The following CDC42EP1 variants were observed in gnomAD, a reference collection of about 807,000 sequenced individuals.
The protein encoded by CDC42EP1 is CDC42 effector protein 1, also known as 55 kDa bone marrow stromal/endothelial cell protein.
In CDC42EP1, 6 loss-of-function variants were observed where a neutral mutation model predicts 7.4. The observed-to-expected ratio is 0.81, with a 90% CI of 0.44 to 1.60. The LOEUF (loss-of-function observed/expected upper bound fraction) is 1.60, where lower values mean the gene tolerates loss of function less well. CDC42EP1 is among the 40% of genes most tolerant of loss of function. The pLI is 0.01. For synonymous variants in CDC42EP1, 238 were observed against 227.1 expected, an observed-to-expected ratio of 1.05 and a Z score of -0.43; for missense variants, 567 against 539.0, an observed-to-expected ratio of 1.05 and a Z score of -0.51.
At chr22:37,564,227 A>G (rs1325225755) in intron 1 of CDC42EP1, among the ~76,000 whole-genome samples, 1 of 151,172 alleles carries the variant, frequency 6.6e-6, no homozygotes, top group Non-Finnish European at 1.5e-5. Context: ...GAGAAGCTGG[A>G]GCAGGGGAGG....
At chr22:37,567,639 A>G (rs1242811939) in intron 2 of CDC42EP1, among the ~76,000 whole-genome samples, 1 of 152,144 alleles carries the variant, frequency 6.6e-6, no homozygotes, top group Non-Finnish European at 1.5e-5. Flanking sequence ...TCTGTCCTTC[A>G]TTTCTATACA....
chr22:37,568,533 G>A lies in CDC42EP1; in HGVS notation c.889G>A (p.Val297Met). The A allele has an allele frequency of 6.2e-7, 1 of 1,609,794 alleles. No homozygotes were observed. The highest frequency in any genetic ancestry group is 8.5e-7 in the Non-Finnish European group (1 of 1,178,254). ...TGGGGTAACAGCTGGGTTGGGCCCAGTGGCTGAGGTGAAGTCCAGCCCAGT... is the reference window on the plus strand; with the variant it reads ...TGGGGTAACAGCTGGGTTGGGCCCAATGGCTGAGGTGAAGTCCAGCCCAGT... ...PNGVTAGLGP[V>M]AEVKSSPVGG... The change falls in exon 3 of 3, where the codon GTG becomes ATG. Residue 297 changes from valine (V) to methionine (M), a missense_variant. Physicochemically the swap from Val to Met is conservative, Grantham distance 21 (BLOSUM62 1). Transcript: ENST00000249014.
At position 37,568,742 on chromosome 22, in the gene CDC42EP1, G is replaced by A. The variant is rs771824268; in HGVS notation, c.1098G>A (p.Arg366=). ...EEWRAPQAGS[R]TPVPSTVQAN... is the part of the protein sequence containing the mutation. Reference sequence around the variant, plus strand: ...GGAGGGCGCCCCAGGCAGGCAGCAGGACCCCAGTGCCCAGCACAGTGCAAG... The same window carrying A: ...GGAGGGCGCCCCAGGCAGGCAGCAGAACCCCAGTGCCCAGCACAGTGCAAG... The change falls in exon 3 of 3, where the codon AGG becomes AGA. Residue 366 remains arginine, a synonymous_variant. Transcript: ENST00000249014. 2.0e-6 allele frequency: 3 copies of A among 1,524,200 alleles called. No homozygotes were observed. The highest frequency in any genetic ancestry group is 2.3e-5 in the East Asian group (1 of 44,102). The allele number at this position is 1,524,200 out of a possible 1,614,324, so 94.4% of individuals were successfully genotyped here. A position where few individuals can be genotyped will look rare whatever the true frequency, so the allele number is the denominator to read the frequency against.
chr22:37,566,789 C>T lies in CDC42EP1; in HGVS notation c.440C>T (p.Ser147Phe). The change falls in exon 2 of 3, where the codon TCC becomes TTC. Residue 147 changes from serine to phenylalanine, a missense_variant. Physicochemically the swap from Ser to Phe is radical, Grantham distance 155. Transcript: ENST00000249014. The surrounding 1 kb of genome is among the most constrained non-coding windows in gnomAD (Gnocchi z 6.4). ...KLSFDSSPTS[S>F]TDGHSSYGLD... ...AGCTTCGACAGCAGCCCCACCAGCTCCACGGACGGCCACTCCAGCTACGGT... is the reference window on the plus strand; with the variant it reads ...AGCTTCGACAGCAGCCCCACCAGCTTCACGGACGGCCACTCCAGCTACGGT... 1 of 1,566,524 alleles carries T rather than the reference C, an allele frequency of 6.4e-7. No homozygotes were observed. The highest frequency in any genetic ancestry group is 1.2e-5 in the South Asian group (1 of 83,452).
In CDC42EP1 at chr22:37,566,324, C is replaced by T; in HGVS notation, c.-26C>T. On this transcript the variant is annotated 5_prime_UTR_variant, in exon 2 of 3. Transcript: ENST00000249014. This position sits in a 1 kb window ranked among gnomAD's most constrained non-coding sequence, Gnocchi z 6.4. ...TCCCCCGGCCCCTGGTAGGCATGGACTAGCAGCTGTGAGCAGCCAGAGCTG... is the reference window on the plus strand; with the variant it reads ...TCCCCCGGCCCCTGGTAGGCATGGATTAGCAGCTGTGAGCAGCCAGAGCTG... The T allele has an allele frequency of 7.9e-7, 1 of 1,258,834 alleles. No homozygotes were observed. The highest frequency in any genetic ancestry group is 1.1e-6 in the Non-Finnish European group (1 of 945,534). The allele number at this position is 1,258,834 out of a possible 1,614,324, so 78.0% of individuals were successfully genotyped here.
At position 37,565,989 on chromosome 22, in the gene CDC42EP1, C is replaced by T. The variant is rs540717223; in HGVS notation, c.-278-83C>T. The T allele has an allele frequency of 8.3e-5, 17 of 206,030 alleles. No individual in the cohort carries two copies. In the East Asian group the frequency reaches 1.6e-3, roughly 19 times the overall value. 12.8% of individuals were successfully genotyped at this position (206,030 alleles called of 1,614,324 possible). ...GTGTAGTTGGGTGTGATCATCTATC[C>T]TCTTCAGCTGCTAATGTTTGGACCC... On this transcript the variant is annotated intron_variant, in intron 1 of 2. Transcript: ENST00000249014.
At position 37,568,654 on chromosome 22, in the gene CDC42EP1, G is replaced by C; in HGVS notation, c.1010G>C (p.Arg337Pro). 1 of 1,564,670 alleles carries C rather than the reference G, an allele frequency of 6.4e-7. No individual in the cohort carries two copies. Reference protein sequence around the residue: ...GGHHYPEMDARQERVEVLPQA... With the variant: ...GGHHYPEMDAPQERVEVLPQA... Reference sequence around the variant, plus strand: ...CACCACTACCCAGAGATGGATGCGCGGCAGGAGCGGGTGGAGGTGCTGCCC... The same window carrying C: ...CACCACTACCCAGAGATGGATGCGCCGCAGGAGCGGGTGGAGGTGCTGCCC... Residue 337 changes from arginine (R) to proline (P), a missense_variant, in exon 3 of 3, where the codon CGG (arginine) becomes CCG (proline). Arg to Pro is a moderately radical substitution (Grantham distance 103). Coordinates refer to ENST00000249014, the MANE Select transcript of CDC42EP1 (RefSeq NM_152243.3).
chr22:37,565,050 A>T (rs564499480), intron 1 of CDC42EP1, among the ~76,000 whole-genome samples: 33 of 152,256 alleles, frequency 2.2e-4, no homozygotes, highest in African/African-American at 6.3e-4. Flanking sequence ...AGTGCTGGGA[A>T]TACAGGCGTG....
At chr22:37,565,185 C>CTTT (rs67228684) in intron 1 of CDC42EP1, among the ~76,000 whole-genome samples, 12 of 90,902 alleles carry the variant, frequency 1.3e-4, no homozygotes, top group African/African-American at 2.5e-4. Context: ...TTTTTTTTTC[C>CTTT]TTTTTTTTTT....
rs1411722195 is a variant in CDC42EP1 at position 37,566,029 on chromosome 22, T to C, written c.-278-43T>C. The C allele has an allele frequency of 1.4e-5, 4 of 281,970 alleles. No homozygotes were observed. Among genetic ancestry groups the C allele is most frequent in the Admixed American group, 5.3e-5 (1 of 19,042 alleles). The allele number at this position is 281,970 out of a possible 1,614,324, so 17.5% of individuals were successfully genotyped here. A position where few individuals can be genotyped will look rare whatever the true frequency, so the allele number is the denominator to read the frequency against. ...TGTTTGGACCCCGGATTTCCTCCTC[T>C]GTCGCGGGCCTGCCGTCACCGCCCA... On this transcript the variant is annotated intron_variant, in intron 1 of 2. Coordinates refer to ENST00000249014, the MANE Select transcript of CDC42EP1 (RefSeq NM_152243.3). The surrounding 1 kb of genome is among the most constrained non-coding windows in gnomAD (Gnocchi z 6.4).
rs556416144 is a variant in CDC42EP1, at chr22:37,568,209, C to G, written c.565C>G (p.Arg189Gly). The change falls in exon 3 of 3, where the codon CGC becomes GGC. Residue 189 changes from arginine (R) to glycine (G), a missense_variant. By Grantham distance (125) the Arg-to-Gly change is moderately radical. Transcript: ENST00000249014. ...GSFPSEPGLR[R>G]SDSLLSFRLD... ...CTTCCCCTCTGAGCCCGGGCTTCGCCGCTCTGACTCTCTCTTGTCCTTCCG... is the reference window on the plus strand; with the variant it reads ...CTTCCCCTCTGAGCCCGGGCTTCGCGGCTCTGACTCTCTCTTGTCCTTCCG... The G allele has an allele frequency of 1.2e-6, 2 of 1,613,934 alleles. No individual in the cohort carries two copies. The highest frequency in any genetic ancestry group is 1.7e-6 in the Non-Finnish European group (2 of 1,179,986).
chr22:37,568,467 G>T lies in CDC42EP1; in HGVS notation c.823G>T (p.Ala275Ser). The change falls in exon 3 of 3, where the codon GCC (alanine) becomes TCC (serine). Residue 275 changes from alanine (A) to serine (S), a missense_variant. Ala to Ser is a moderately conservative substitution (Grantham distance 99). Transcript: ENST00000249014. ...CACGGGTCCTGCTGCAAATCCCCCA[G>T]CCCCTGCCGCAAGCTCCACACCCCA... Reference protein sequence around the residue: ...TPTGPAANPPAPAASSTPHGH... With the variant: ...TPTGPAANPPSPAASSTPHGH... 3.1e-6 allele frequency: 5 copies of T among 1,602,516 alleles called. No homozygotes were observed. Among genetic ancestry groups the T allele is most frequent in the Non-Finnish European group, 4.3e-6 (5 of 1,173,932 alleles).
At chr22:37,564,802 G>C (rs557591430) in intron 1 of CDC42EP1, among the ~76,000 whole-genome samples, 1 of 152,160 alleles carries the variant, frequency 6.6e-6, no homozygotes, top group Admixed American at 6.5e-5. Context: ...TTTGTGAGAC[G>C]GAGTCTCGCT....
intron 1 of CDC42EP1, among the ~76,000 whole-genome samples, chr22:37,564,806 T>G (rs1925167230): frequency 6.6e-6 from 1 of 152,178 alleles, no homozygotes; most frequent in Non-Finnish European, 1.5e-5. Context: ...TGAGACGGAG[T>G]CTCGCTCTGT....
At chr22:37,560,798 C>T (rs1169053972) in intron 1 of CDC42EP1, among the ~76,000 whole-genome samples, 1 of 151,938 alleles carries the variant, frequency 6.6e-6, no homozygotes, top group Admixed American at 6.5e-5. Flanking sequence ...CTTCGTGTCC[C>T]GTTCCAGGCT....
Position 37,566,504 on chromosome 22 carries a change from G to A in CDC42EP1, c.155G>A (p.Gly52Asp), listed in dbSNP as rs572970148. 19 of 1,612,674 alleles carry A rather than the reference G, an allele frequency of 1.2e-5. 1 individual carries two copies. In the South Asian group the frequency reaches 1.9e-4, roughly 16 times the overall value. ...GACTTCCGCCACACCATGCATGTGG[G>A]CCGTGGCGGGGATGTCTTCGGGGAC... Reference protein sequence around the residue: ...LGDFRHTMHVGRGGDVFGDTS... With the variant: ...LGDFRHTMHVDRGGDVFGDTS... The change falls in exon 2 of 3, where the codon GGC becomes GAC. Residue 52 changes from glycine to aspartate, a missense_variant. Transcript: ENST00000249014. This position sits in a 1 kb window ranked among gnomAD's most constrained non-coding sequence, Gnocchi z 6.4.
rs1925360969 is a variant in CDC42EP1, at chr22:37,568,632, C to A, written c.988C>A (p.His330Asn). 2.5e-6 allele frequency: 4 copies of A among 1,588,278 alleles called. No homozygotes were observed. Among genetic ancestry groups the A allele is most frequent in the Non-Finnish European group, 3.4e-6 (4 of 1,167,260 alleles). The change falls in exon 3 of 3, where the codon CAC becomes AAC. Residue 330 changes from histidine to asparagine, a missense_variant. By Grantham distance (68) the His-to-Asn change is moderately conservative (BLOSUM62 1). Coordinates refer to ENST00000249014, the MANE Select transcript of CDC42EP1 (RefSeq NM_152243.3). ...GGGAGCAGGCTGGGATGGCGGCCAC[C>A]ACTACCCAGAGATGGATGCGCGGCA... ...HWGAGWDGGH[H>N]YPEMDARQER...
chr22:37,563,619 A>C (rs1291636065), intron 1 of CDC42EP1: 1 of 152,090 alleles, frequency 6.6e-6, no homozygotes, highest in Non-Finnish European at 1.5e-5. Context: ...CTTGTTATTT[A>C]ACCTATTTTG....
chr22:37,562,913 A>G (rs1262926925), intron 1 of CDC42EP1, among the ~76,000 whole-genome samples: 1 of 152,026 alleles, frequency 6.6e-6, no homozygotes, highest in Non-Finnish European at 1.5e-5. Context: ...TTTGAGACCA[A>G]CCTGGGCAAT....
Sources: allele counts gnomAD v4.1 joint callset (sites outside exome capture counted in the v4.1 genomes callset), GRCh38; gene constraint gnomAD v4.1.1; non-coding constraint Gnocchi (gnomAD v3.1); transcripts MANE v1.5; gene names NCBI Gene and HGNC (gene_info 2026-07-23, HGNC 2026-07-21).